Variants in ZNF845 observed in about 807,000 individuals in gnomAD.
ZNF845 encodes the protein zinc finger protein 845.
In ZNF845, 59 loss-of-function variants were observed where a neutral mutation model predicts 76.1. The observed-to-expected ratio is 0.78, with a 90% confidence interval of 0.63 to 0.96. The LOEUF (loss-of-function observed/expected upper bound fraction) is 0.96. ZNF845 is among the 40% of genes least tolerant of loss of function. The probability of loss-of-function intolerance (pLI) is 0.00; values close to 1 mark genes in which losing one functional copy is unlikely to be tolerated. For synonymous variants in ZNF845, 361 were observed against 386.9 expected (o/e 0.93, Z 0.78); for missense variants, 1,045 against 1,172.8 (o/e 0.89, Z 1.59).
intron 1 of ZNF845, among the ~76,000 whole-genome samples, chr19:53,335,405 C>T (rs1182084619): frequency 6.6e-6 from 1 of 151,982 alleles, no homozygotes; most frequent in Admixed American, 6.6e-5. Flanking sequence ...GGACCACAGG[C>T]GTGAGCCACC....
chr19:53,339,500 T>C (rs1353662511), intron 1 of ZNF845, among the ~76,000 whole-genome samples: 1 of 152,190 alleles, frequency 6.6e-6, no homozygotes, highest in Non-Finnish European at 1.5e-5. Flanking sequence ...CGCTGTTCTG[T>C]TCTGACACTC....
At chr19:53,342,666 C>T (rs979126738) in intron 2 of ZNF845, among the ~76,000 whole-genome samples, 16 of 151,896 alleles carry the variant, frequency 1.1e-4, no homozygotes, top group South Asian at 2.1e-4. Context: ...AAAAATTCTG[C>T]GGTAAATTTA....
At chr19:53,345,179 G>A (rs1002385453) in intron 2 of ZNF845, among the ~76,000 whole-genome samples, 15 of 152,234 alleles carry the variant, frequency 9.9e-5, no homozygotes, top group African/African-American at 3.6e-4. Flanking sequence ...AGCCAGGCGC[G>A]GTGGCACCAG....
rs1203654697 is a variant in ZNF845, at chr19:53,352,928, ATG to A, written c.2256_2257del (p.Cys752Ter). ...GAGAGAAACCTTACAAATGTGAAGA[ATG>A]TGACAAAGTTTTCAGTCGCAAATCA... ...TGEKPYKCEE[C>X]DKVFSRKSSL... On this transcript the variant is annotated frameshift_variant, in exon 4 of 4. Coordinates refer to ENST00000458035, the MANE Select transcript of ZNF845 (RefSeq NM_138374.3). LOFTEE classifies it high-confidence loss of function. The A allele has an allele frequency of 6.2e-7, 1 of 1,614,092 alleles. No homozygotes were observed. The highest frequency in any genetic ancestry group is 8.5e-7 in the Non-Finnish European group (1 of 1,180,006).
In ZNF845 at chr19:53,345,568, C is replaced by T. The variant is rs779532705; in HGVS notation, c.78C>T (p.Asp26=). ...CTCAGGAAGAGTGGAAGTGCCTGGA[C>T]CCTGCTCAGAGGACTCTATACAGGG... is the stretch of plus-strand genomic sequence containing the variant. ...EFSQEEWKCL[D]PAQRTLYRDV... is the part of the protein sequence containing the mutation. Residue 26 remains aspartate (D), a synonymous_variant, in exon 3 of 4, where the codon GAC becomes GAT. Transcript: ENST00000458035. The T allele has an allele frequency of 2.5e-6, 4 of 1,613,440 alleles. No individual in the cohort carries two copies. The highest frequency in any genetic ancestry group is 2.5e-6 in the Non-Finnish European group (3 of 1,179,462).
chr19:53,346,250 G>T, intron 3 of ZNF845: 2 of 271,842 alleles, frequency 7.4e-6, no homozygotes, highest in Non-Finnish European at 1.5e-5. Flanking sequence ...ATTACTTTTT[G>T]CGTTTAATTG....
chr19:53,334,617 GGGGCT>G (rs1207825290), intron 1 of ZNF845, among the ~76,000 whole-genome samples: 1 of 152,032 alleles, frequency 6.6e-6, no homozygotes, highest in Non-Finnish European at 1.5e-5. Context: ...TGAAGAAAGG[GGGGCT>G]GGGCGCAGTG....
chr19:53,345,108 G>A (rs1037182410), intron 2 of ZNF845, among the ~76,000 whole-genome samples: 1 of 152,106 alleles, frequency 6.6e-6, no homozygotes, highest in African/African-American at 2.4e-5. Context: ...ACGAGGTCAG[G>A]AGTTCGAGAT....
At position 53,352,208 on chromosome 19, in the gene ZNF845, A is replaced by C; in HGVS notation, c.1533A>C (p.Glu511Asp). Residue 511 changes from glutamate (E) to aspartate (D), a missense_variant, in exon 4 of 4, where the codon GAA becomes GAC. Glu to Asp is a conservative substitution (Grantham distance 45, BLOSUM62 2). Transcript: ENST00000458035. ...DEAFSFKSNL[E>D]RHRIIHTGEK... ...CTTTCAGTTTCAAATCAAACCTTGA[A>C]AGACATAGGATAATTCATACTGGAG... 1 of 1,613,844 alleles carries C rather than the reference A, an allele frequency of 6.2e-7. No individual in the cohort carries two copies. The highest frequency in any genetic ancestry group is 8.5e-7 in the Non-Finnish European group (1 of 1,179,900).
intron 3 of ZNF845, among the ~76,000 whole-genome samples, chr19:53,347,965 G>A (rs956446617): frequency 2.6e-5 from 4 of 152,140 alleles, no homozygotes; most frequent in African/African-American, 4.8e-5. Context: ...TGAGACGGGC[G>A]GATCACCTGA....
chr19:53,342,583 A>G (rs1313317663), intron 2 of ZNF845, among the ~76,000 whole-genome samples: 2 of 152,056 alleles, frequency 1.3e-5, no homozygotes, highest in Non-Finnish European at 2.9e-5. Flanking sequence ...TGGAGCCGCT[A>G]CTGTCAGTTC....
At chr19:53,343,589 C>G (rs2085272622) in intron 2 of ZNF845, among the ~76,000 whole-genome samples, 1 of 152,086 alleles carries the variant, frequency 6.6e-6, no homozygotes, top group Non-Finnish European at 1.5e-5. Context: ...ATTTTTAAAA[C>G]CTTTCTATAT....
chr19:53,338,916 T>TAAA (rs35457065), intron 1 of ZNF845, among the ~76,000 whole-genome samples: 1 of 132,102 alleles, frequency 7.6e-6, no homozygotes. Context: ...CCATCTCTAC[T>TAAA]AAAAAAAAAA....
intron 1 of ZNF845, among the ~76,000 whole-genome samples, chr19:53,334,732 C>CA (rs1353762251): frequency 7.6e-6 from 1 of 131,350 alleles, no homozygotes; most frequent in Non-Finnish European, 1.6e-5. Flanking sequence ...GAGACCCCCC[C>CA]CCCCATCTCT....
intron 1 of ZNF845, among the ~76,000 whole-genome samples, chr19:53,335,565 G>T (rs747381836): frequency 6.6e-6 from 1 of 152,064 alleles, no homozygotes. Context: ...GAGCCACCGT[G>T]CCTGGCCTAC....
At chr19:53,344,273 T>G (rs1467541608) in intron 2 of ZNF845, among the ~76,000 whole-genome samples, 3 of 152,174 alleles carry the variant, frequency 2.0e-5, no homozygotes, top group Admixed American at 1.3e-4. Flanking sequence ...GCACGGTGGA[T>G]CACGCCTGTA....
At chr19:53,349,023 AT>A (rs71337411) in intron 3 of ZNF845, among the ~76,000 whole-genome samples, 1 of 150,268 alleles carries the variant, frequency 6.7e-6, no homozygotes. Context: ...TGCCCAGCTA[AT>A]TTTTTTTGCA....
chr19:53,354,628 G>T lies in ZNF845; in HGVS notation c.*1040G>T, dbSNP rs1027372086. 1 of 152,974 alleles carries T rather than the reference G, an allele frequency of 6.5e-6. No homozygotes were observed. The highest frequency in any genetic ancestry group is 1.5e-5 in the Non-Finnish European group (1 of 68,694). The allele number at this position is 152,974 out of a possible 1,614,324, so 9.5% of individuals were successfully genotyped here. ...TTAAGACTTCCAATCCATCAATATGGGTTGTATGTCTATTTAGTTTTTTTG... is the reference window on the plus strand; with the variant it reads ...TTAAGACTTCCAATCCATCAATATGTGTTGTATGTCTATTTAGTTTTTTTG... On this transcript the variant is annotated 3_prime_UTR_variant, in exon 4 of 4. Coordinates refer to ENST00000458035, the MANE Select transcript of ZNF845 (RefSeq NM_138374.3).
At chr19:53,343,055 G>C (rs1438902226) in intron 2 of ZNF845, among the ~76,000 whole-genome samples, 8 of 152,052 alleles carry the variant, frequency 5.3e-5, no homozygotes, top group South Asian at 2.1e-4. Flanking sequence ...CTGACCTCAG[G>C]TTATCCACCC....
Sources: gnomAD v4.1 joint callset for allele counts (sites outside exome capture counted in the v4.1 genomes callset) on GRCh38, gnomAD v4.1.1 for gene constraint, MANE v1.5 for transcripts, NCBI Gene and HGNC (gene_info 2026-07-23, HGNC 2026-07-21) for gene names.